DERL1: variants seen among roughly 807,000 people sequenced by gnomAD.
DERL1 encodes derlin 1.
DERL1 carries 24 observed loss-of-function variants against 41.6 expected under a neutral mutation model. The observed-to-expected ratio is 0.58, with a 90% CI of 0.42 to 0.81. The LOEUF (loss-of-function observed/expected upper bound fraction) is 0.81. DERL1 is among the 30% of genes least tolerant of loss of function. The pLI is 0.00. For synonymous variants in DERL1, 124 were observed against 112.5 expected, an observed-to-expected ratio of 1.10 and a Z score of -0.65; for missense variants, 260 against 314.3, an observed-to-expected ratio of 0.83 and a Z score of 1.31.
rs879836767 is a variant in DERL1 at position 123,019,063 on chromosome 8, G to C, written c.617+132C>G. On this transcript the variant is annotated intron_variant, in intron 7 of 7. Transcript: ENST00000259512. ...TCCTGTGACTGTGTGACTAGGGTAA[G>C]TCACTTGTTGCCTCAGGTTTCTCCA... 7.1e-6 allele frequency: 5 copies of C among 703,592 alleles called. No individual in the cohort carries two copies. In the Admixed American group the frequency reaches 1.3e-4, roughly 18 times the overall value. The allele number at this position is 703,592 out of a possible 1,614,324, so 43.6% of individuals were successfully genotyped here.
At chr8:123,019,504 A>G (rs1167051739) in intron 6 of DERL1, among the ~76,000 whole-genome samples, 199 bp from the exon 7 acceptor site, 2 of 152,098 alleles carry the variant, frequency 1.3e-5, no homozygotes, top group African/African-American at 2.4e-5. Flanking sequence ...TGCTGAACCA[A>G]TGAGGCCTGC....
chr8:123,025,097 A>G, intron 2 of DERL1, 47 bp from the exon 3 acceptor site: 1 of 1,592,684 alleles, frequency 6.3e-7, no homozygotes, highest in Non-Finnish European at 8.6e-7. Flanking sequence ...ATTTCACAAC[A>G]AAGTAACATC....
intron 5 of DERL1, among the ~76,000 whole-genome samples, chr8:123,022,466 G>T (rs1812581502): frequency 6.7e-6 from 1 of 149,760 alleles, no homozygotes; most frequent in East Asian, 2.0e-4. Flanking sequence ...ACCTTGAGGG[G>T]CCCGAGGTAC....
At chr8:123,034,066 G>C (rs1206861202) in intron 1 of DERL1, among the ~76,000 whole-genome samples, 1 of 152,192 alleles carries the variant, frequency 6.6e-6, no homozygotes, top group Non-Finnish European at 1.5e-5. Context: ...GGGACATGTG[G>C]ACTTGTTACA....
intron 1 of DERL1, among the ~76,000 whole-genome samples, chr8:123,033,238 T>C (rs1812854402): frequency 6.6e-6 from 1 of 152,228 alleles, no homozygotes; most frequent in Non-Finnish European, 1.5e-5. Context: ...CCCCTTTTTT[T>C]CTTCAACAAT....
In DERL1 at chr8:123,019,187, A is replaced by G. The variant is rs1274553107; in HGVS notation, c.617+8T>C. On this transcript the variant is annotated splice_region_variant and intron_variant, in intron 7 of 7. Coordinates refer to ENST00000259512, the MANE Select transcript of DERL1 (RefSeq NM_024295.6). ...AAATGTTAGATGAGACAGGACAAAA[A>G]CACTTACAAAAACTGAGGTGTGGAT... The G allele has an allele frequency of 1.9e-6, 3 of 1,573,980 alleles. No individual in the cohort carries two copies. The Admixed American group carries it at 5.0e-5, about 26-fold the overall frequency.
chr8:123,015,301 G>T lies in DERL1; in HGVS notation c.*146C>A. On this transcript the variant is annotated 3_prime_UTR_variant, in exon 8 of 8. Transcript: ENST00000259512. ...TTGTGGAACACTTATATTTTTCTTCGGGATTTAAGAAACTTTGTCTCGTAC... is the reference window on the plus strand; with the variant it reads ...TTGTGGAACACTTATATTTTTCTTCTGGATTTAAGAAACTTTGTCTCGTAC... The T allele has an allele frequency of 1.9e-6, 2 of 1,078,978 alleles. No homozygotes were observed. Among genetic ancestry groups the T allele is most frequent in the East Asian group, 2.7e-5 (1 of 37,450 alleles). 66.8% of individuals were successfully genotyped at this position (1,078,978 alleles called of 1,614,324 possible). A position where few individuals can be genotyped will look rare whatever the true frequency, so the allele number is the denominator to read the frequency against.
intron 1 of DERL1, 116 bp downstream of exon 1, chr8:123,041,854 G>C: frequency 7.2e-7 from 1 of 1,381,404 alleles, no homozygotes; most frequent in East Asian, 2.6e-5. Flanking sequence ...CGCCGGCGCC[G>C]GACCCACTAC....
chr8:123,017,708 A>G (rs1285731022), intron 7 of DERL1: 1 of 152,156 alleles, frequency 6.6e-6, no homozygotes, highest in East Asian at 1.9e-4. Context: ...TGTGTTGCCC[A>G]CAACTGAGAA....
chr8:123,015,696 T>C, intron 7 of DERL1, 111 bp from the exon 8 acceptor site: 1 of 1,380,490 alleles, frequency 7.2e-7, no homozygotes, highest in Non-Finnish European at 9.6e-7. Context: ...ATGGCACTTG[T>C]CATGTTGAAG....
chr8:123,023,616 C>T, intron 4 of DERL1, 97 bp downstream of exon 4: 4 of 1,151,260 alleles, frequency 3.5e-6, no homozygotes, highest in Non-Finnish European at 5.0e-6. Flanking sequence ...ACATAATTAA[C>T]CCCATAGTTA....
chr8:123,032,523 T>C (rs892839624), intron 1 of DERL1, among the ~76,000 whole-genome samples: 1 of 152,236 alleles, frequency 6.6e-6, no homozygotes, highest in African/African-American at 2.4e-5. Flanking sequence ...TTTTGCCATA[T>C]TTTGACATAC....
At chr8:123,024,318 G>A (rs1412431895) in intron 3 of DERL1, among the ~76,000 whole-genome samples, 1 of 152,172 alleles carries the variant, frequency 6.6e-6, no homozygotes, top group African/African-American at 2.4e-5. Context: ...CTCAAAGGAG[G>A]GGGGAAAGGG....
chr8:123,042,282 G>A lies in DERL1; in HGVS notation c.-160C>T. On this transcript the variant is annotated 5_prime_UTR_variant, in exon 1 of 8. Transcript: ENST00000259512. The stretch of plus-strand genomic sequence containing the variant: ...GGGCGGACGTGGCGCCACCGAATTC[G>A]GACCAGCGAGGCAGCCTTCTGAGGC... 1.0e-6 allele frequency: 1 copy of A among 980,276 alleles called. No individual in the cohort carries two copies. The highest frequency in any genetic ancestry group is 1.4e-6 in the Non-Finnish European group (1 of 705,894). The allele number at this position is 980,276 out of a possible 1,614,324, so 60.7% of individuals were successfully genotyped here. A position where few individuals can be genotyped will look rare whatever the true frequency, so the allele number is the denominator to read the frequency against.
At chr8:123,039,068 T>G (rs1441251406) in intron 1 of DERL1, among the ~76,000 whole-genome samples, 2 of 152,216 alleles carry the variant, frequency 1.3e-5, no homozygotes, top group Non-Finnish European at 2.9e-5. Flanking sequence ...TCAGTCCTGC[T>G]CGCTTCACCC....
At chr8:123,022,903 G>C (rs549786642) in intron 4 of DERL1, 124 bp from the exon 5 acceptor site, 1 of 632,510 alleles carries the variant, frequency 1.6e-6, no homozygotes, top group East Asian at 2.7e-5. Flanking sequence ...AAACTCAACT[G>C]ATCAGAATTA....
rs1169586261 is a variant in DERL1 at position 123,015,164 on chromosome 8, T to G, written c.*283A>C. ...ACTAGGACCCGCTAAAACCCATTATTCAGACGGAAAGGGGAGAAGAGAAGA... is the reference window on the plus strand; with the variant it reads ...ACTAGGACCCGCTAAAACCCATTATGCAGACGGAAAGGGGAGAAGAGAAGA... On this transcript the variant is annotated 3_prime_UTR_variant, in exon 8 of 8. Transcript: ENST00000259512. 1 of 294,222 alleles carries G rather than the reference T, an allele frequency of 3.4e-6. No homozygotes were observed. The highest frequency in any genetic ancestry group is 2.2e-5 in the African/African-American group (1 of 46,118). The allele number at this position is 294,222 out of a possible 1,614,324, so 18.2% of individuals were successfully genotyped here. A position where few individuals can be genotyped will look rare whatever the true frequency, so the allele number is the denominator to read the frequency against.
Position 123,022,783 on chromosome 8 carries a change from C to T in DERL1, c.358-4G>A. The stretch of plus-strand genomic sequence containing the variant: ...TGATCAGAGGAATCATCAGCAACTG[C>T]AAAAGAAGTCGACATGTAAAAACCA... On this transcript the variant is annotated splice_polypyrimidine_tract_variant and splice_region_variant and intron_variant, in intron 4 of 7. Transcript: ENST00000259512. 1 of 1,613,562 alleles carries T rather than the reference C, an allele frequency of 6.2e-7. No homozygotes were observed. The highest frequency in any genetic ancestry group is 8.5e-7 in the Non-Finnish European group (1 of 1,179,654).
In DERL1 at chr8:123,022,798, T is replaced by C. The variant is rs947567828; in HGVS notation, c.358-19A>G. 1.2e-5 allele frequency: 20 copies of C among 1,610,058 alleles called. No homozygotes were observed. The highest frequency in any genetic ancestry group is 9.4e-5 in the African/African-American group (7 of 74,806). On this transcript the variant is annotated intron_variant, in intron 4 of 7. Transcript: ENST00000259512. ...TCAGCAACTGCAAAAGAAGTCGACA[T>C]GTAAAAACCAGGCTCCAGAGGCACT...
Sources: allele counts gnomAD v4.1 joint callset (sites outside exome capture counted in the v4.1 genomes callset), GRCh38; gene constraint gnomAD v4.1.1; transcripts MANE v1.5; gene names NCBI Gene and HGNC (gene_info 2026-07-23, HGNC 2026-07-21).